Variants in USH2A observed in about 807,000 individuals in gnomAD.
USH2A encodes the protein Usher syndrome 2A (autosomal recessive, mild).
In USH2A, 443 loss-of-function variants were observed where a neutral mutation model predicts 538.9. That is an observed-to-expected ratio of 0.82 (90% CI 0.76 to 0.89). USH2A has a LOEUF of 0.89. USH2A is among the 40% of genes least tolerant of loss of function. The probability of loss-of-function intolerance (pLI) is 0.00; values close to 1 mark genes in which losing one functional copy is unlikely to be tolerated. For missense variants in USH2A, 6,633 were observed against 6,324.8 expected, an observed-to-expected ratio of 1.05 and a Z score of -1.65; for synonymous variants, 2,413 against 2,273.5, an observed-to-expected ratio of 1.06 and a Z score of -1.75.
intron 67 of USH2A, among the ~76,000 whole-genome samples, chr1:215,641,971 A>T (rs1656700951): frequency 1.3e-5 from 2 of 152,164 alleles, no homozygotes; most frequent in Non-Finnish European, 2.9e-5. Flanking sequence ...GGAATACTCT[A>T]TTGTTATTTG....
At chr1:216,276,568 C>T (rs2036674068) in intron 11 of USH2A, among the ~76,000 whole-genome samples, 2 of 152,080 alleles carry the variant, frequency 1.3e-5, no homozygotes, top group African/African-American at 4.8e-5. Flanking sequence ...TTCTGTTCCT[C>T]AATAAGCCAG....
intron 38 of USH2A, chr1:215,901,518 C>A (rs1285464847): frequency 1.3e-5 from 2 of 158,482 alleles, no homozygotes; most frequent in African/African-American, 2.4e-5. Context: ...GTGTTTTATA[C>A]AATTACCCTT....
Position 215,844,485 on chromosome 1 carries a change from T to C in USH2A, c.9067A>G (p.Met3023Val). Reference protein sequence around the residue: ...ATTCDGEPQGMLPPEVVIINS... With the variant: ...ATTCDGEPQGVLPPEVVIINS... The stretch of plus-strand genomic sequence containing the variant: ...ATGATGACAACCTCTGGAGGAAGCA[T>C]GCCCTGAGGCTCTAGAATTAAAGGA... The change falls in exon 46 of 72, where the codon ATG becomes GTG. Residue 3023 changes from methionine to valine, a missense_variant. Transcript: ENST00000307340. 1.2e-6 allele frequency: 2 copies of C among 1,609,696 alleles called. No homozygotes were observed. Among genetic ancestry groups the C allele is most frequent in the Non-Finnish European group, 1.7e-6 (2 of 1,179,788 alleles).
At chr1:216,089,270 C>A in intron 22 of USH2A, 131 bp from the exon 23 acceptor site, 1 of 1,013,712 alleles carries the variant, frequency 9.9e-7, no homozygotes, top group Non-Finnish European at 1.5e-6. Flanking sequence ...ACATTTCAAA[C>A]AGAACTCAAA....
chr1:215,682,222 G>A (rs1658256979), intron 61 of USH2A, among the ~76,000 whole-genome samples: 1 of 152,054 alleles, frequency 6.6e-6, no homozygotes, highest in African/African-American at 2.4e-5. Flanking sequence ...AAAAGCATAC[G>A]CTCCAAAGCA....
rs942600613 is a variant in USH2A at position 216,079,734 on chromosome 1, T to C, written c.5299-1372A>G. Among the ~76,000 whole-genome samples, 4 of 152,096 alleles carry C rather than the reference T, an allele frequency of 2.6e-5. 1 individual carries two copies. The highest frequency in any genetic ancestry group is 4.1e-4 in the South Asian group (2 of 4,832). On this transcript the variant is annotated intron_variant, in intron 26 of 71. Coordinates refer to ENST00000307340, the MANE Select transcript of USH2A (RefSeq NM_206933.4). ...GCCTACCAGACATAAGAAGTACACA[T>C]TGAAAACAAAATCTCGACTAGAATT...
rs372191045 is a variant in USH2A, at chr1:216,044,028, C to T, written c.6325+2403G>A. ...ATCTGACTTCATTCTTTCACTCTAA[C>T]ACTTTTTATTCCATTCCCACTCTGT... On this transcript the variant is annotated intron_variant, in intron 32 of 71. Transcript: ENST00000307340. 7.2e-3 allele frequency among the ~76,000 whole-genome samples: 1,047 copies of T among 146,250 alleles called. 16 individuals are homozygous for T. The highest frequency in any genetic ancestry group is 0.025 in the African/African-American group (1,000 of 39,490).
At chr1:216,314,964 G>C (rs1039446227) in intron 9 of USH2A, among the ~76,000 whole-genome samples, 3 of 152,058 alleles carry the variant, frequency 2.0e-5, no homozygotes, top group Non-Finnish European at 4.4e-5. Context: ...ATCACTCTTG[G>C]CCAGAGCCCC....
At position 215,743,467 on chromosome 1, in the gene USH2A, C is replaced by CAT. The variant is rs1214961149; in HGVS notation, c.11390-134_11390-133dup. 14 of 258,876 alleles carry CAT rather than the reference C, an allele frequency of 5.4e-5. 1 individual carries two copies. In the South Asian group the frequency reaches 6.6e-4, roughly 12 times the overall value. The allele number at this position is 258,876 out of a possible 1,614,324, so 16.0% of individuals were successfully genotyped here. A position where few individuals can be genotyped will look rare whatever the true frequency, so the allele number is the denominator to read the frequency against. On this transcript the variant is annotated intron_variant, in intron 58 of 71. Coordinates refer to ENST00000307340, the MANE Select transcript of USH2A (RefSeq NM_206933.4). ...ATATAAATAAATATATATAGACACACATATATATATAAATAAAACAGAATG... is the reference window on the plus strand; with the variant it reads ...ATATAAATAAATATATATAGACACACATATATATATATAAATAAAACAGAATG...
intron 4 of USH2A, among the ~76,000 whole-genome samples, chr1:216,349,620 T>C (rs1025444984): frequency 6.6e-6 from 1 of 152,182 alleles, no homozygotes; most frequent in East Asian, 1.9e-4. Flanking sequence ...ACAAATGCCA[T>C]GTCAACATCA....
intron 38 of USH2A, among the ~76,000 whole-genome samples, chr1:215,929,662 G>A (rs1274907178): frequency 6.6e-6 from 1 of 151,996 alleles, no homozygotes; most frequent in Non-Finnish European, 1.5e-5. Context: ...CAGGCAATGC[G>A]CTAAACACAT....
In USH2A at chr1:215,790,283, C is replaced by T. The variant is rs970237364; in HGVS notation, c.9959-1G>A. On this transcript the variant is annotated splice_acceptor_variant, in intron 50 of 71. Coordinates refer to ENST00000307340, the MANE Select transcript of USH2A (RefSeq NM_206933.4). LOFTEE classifies it high-confidence loss of function. The stretch of plus-strand genomic sequence containing the variant: ...TAATCCTGCCCACAACAGAACATAC[C>T]TGCAACAATAAAATGTTATATATGA... The T allele has an allele frequency of 6.2e-7, 1 of 1,613,508 alleles. No homozygotes were observed. The highest frequency in any genetic ancestry group is 1.3e-5 in the African/African-American group (1 of 74,874).
chr1:215,743,443 TATAA>T, intron 58 of USH2A, 108 bp from the exon 59 acceptor site: 1 of 309,320 alleles, frequency 3.2e-6, no homozygotes, highest in Non-Finnish European at 5.3e-6. Flanking sequence ...CACATATATA[TATAA>T]ATAAATATAT....
In USH2A at chr1:215,878,861, G is replaced by A; in HGVS notation, c.8461C>T (p.Pro2821Ser). ...PTYVTTHPTVPQNVGPLSVIP... is the reference protein window; with the variant it reads ...PTYVTTHPTVSQNVGPLSVIP... ...ACAGACAATGGGCCAACATTCTGAG[G>A]TACGGTGGGGTGAGTGGTAACATAG... Residue 2821 changes from proline to serine, a missense_variant, in exon 42 of 72, where the codon CCT (proline) becomes TCT (serine). By Grantham distance (74) the Pro-to-Ser change is moderately conservative. Coordinates refer to ENST00000307340, the MANE Select transcript of USH2A (RefSeq NM_206933.4). 2 of 1,614,060 alleles carry A rather than the reference G, an allele frequency of 1.2e-6. No homozygotes were observed. The highest frequency in any genetic ancestry group is 8.5e-7 in the Non-Finnish European group (1 of 1,179,978).
chr1:215,798,456 T>A (rs1368326431), intron 50 of USH2A, among the ~76,000 whole-genome samples: 1 of 152,170 alleles, frequency 6.6e-6, no homozygotes, highest in African/African-American at 2.4e-5. Flanking sequence ...GTGAAGATTA[T>A]TTGAGGTAAT....
At chr1:215,829,233 T>C (rs766444937) in intron 47 of USH2A, among the ~76,000 whole-genome samples, 4 of 152,214 alleles carry the variant, frequency 2.6e-5, no homozygotes, top group Non-Finnish European at 4.4e-5. Flanking sequence ...TTGATTCTTC[T>C]ATATTATTTG....
At chr1:215,823,500 T>C (rs899263582) in intron 47 of USH2A, among the ~76,000 whole-genome samples, 3 of 152,228 alleles carry the variant, frequency 2.0e-5, no homozygotes, top group South Asian at 4.1e-4. Flanking sequence ...AGAATTTGAT[T>C]GTTATATGCC....
In USH2A at chr1:215,999,136, G is replaced by T; in HGVS notation, c.6486-78C>A. 2.4e-6 allele frequency: 3 copies of T among 1,252,878 alleles called. No homozygotes were observed. In the South Asian group the frequency reaches 3.9e-5, roughly 16 times the overall value. 77.6% of individuals were successfully genotyped at this position (1,252,878 alleles called of 1,614,324 possible). A position where few individuals can be genotyped will look rare whatever the true frequency, so the allele number is the denominator to read the frequency against. On this transcript the variant is annotated intron_variant, in intron 33 of 71. Transcript: ENST00000307340. ...TACAGGATTTTCAAAGGACACATTTGAACTTGGATTTGTGACACTTTTTTA... is the reference window on the plus strand; with the variant it reads ...TACAGGATTTTCAAAGGACACATTTTAACTTGGATTTGTGACACTTTTTTA...
intron 35 of USH2A, among the ~76,000 whole-genome samples, chr1:215,983,045 G>T (rs1392320300): frequency 6.6e-6 from 1 of 152,152 alleles, no homozygotes; most frequent in Non-Finnish European, 1.5e-5. Context: ...CCGCCTCCCA[G>T]GTTCAAGTGA....
Sources: gnomAD v4.1 joint callset for allele counts (sites outside exome capture counted in the v4.1 genomes callset) on GRCh38, gnomAD v4.1.1 for gene constraint, MANE v1.5 for transcripts, NCBI Gene and HGNC (gene_info 2026-07-23, HGNC 2026-07-21) for gene names.